SMOC2: variants seen among roughly 807,000 people sequenced by gnomAD.
The protein encoded by SMOC2 is SPARC-related modular calcium-binding protein 2.
A neutral mutation model predicts 61.4 loss-of-function variants in SMOC2; 39 were observed. That is an observed-to-expected ratio of 0.64 (90% confidence interval 0.49 to 0.83). The LOEUF (loss-of-function observed/expected upper bound fraction) is 0.83, where lower values mean the gene tolerates loss of function less well. Ranked by LOEUF, SMOC2 falls within the 40% of genes least tolerant of loss-of-function variation. The pLI is 0.00. For missense variants in SMOC2, 556 were observed against 592.9 expected, an observed-to-expected ratio of 0.94 and a Z score of 0.65; for synonymous variants, 247 against 239.9, an observed-to-expected ratio of 1.03 and a Z score of -0.27.
chr6:168,574,622 G>A (rs575462455), intron 7 of SMOC2, among the ~76,000 whole-genome samples: 1 of 152,246 alleles, frequency 6.6e-6, no homozygotes, highest in African/African-American at 2.4e-5. Flanking sequence ...TGAAGGGCCT[G>A]AGCAATTCTG....
At chr6:168,604,180 A>T (rs760039604) in intron 8 of SMOC2, among the ~76,000 whole-genome samples, 49 of 152,216 alleles carry the variant, frequency 3.2e-4, no homozygotes, top group Non-Finnish European at 6.6e-4. Context: ...CGGACATCTC[A>T]TCCAGATGCC....
chr6:168,616,889 T>C (rs61376453), intron 9 of SMOC2, among the ~76,000 whole-genome samples: 39,119 of 152,010 alleles, frequency 0.26, 5,145 homozygotes, highest in Non-Finnish European at 0.27. Context: ...GCCGCTGCAC[T>C]GCGGGGGGGT....
rs150545086 is a variant in SMOC2, at chr6:168,527,584, G to A, written c.364-44G>A. On this transcript the variant is annotated intron_variant, in intron 3 of 12. Transcript: ENST00000356284. ...GGGCCTCGCAGCCGTGAGGCGCTGC[G>A]CCACGGGCCCGGGAGGGCTTACCCG... is the stretch of plus-strand genomic sequence containing the variant. The A allele has an allele frequency of 3.6e-4, 510 of 1,435,462 alleles. 1 individual carries two copies. The African/African-American group carries it at 4.5e-3, about 13-fold the overall frequency. 88.9% of individuals were successfully genotyped at this position (1,435,462 alleles called of 1,614,324 possible). A position where few individuals can be genotyped will look rare whatever the true frequency, so the allele number is the denominator to read the frequency against.
chr6:168,655,443 G>T (rs188514283), intron 11 of SMOC2: 4 of 456,184 alleles, frequency 8.8e-6, no homozygotes, highest in African/African-American at 8.0e-5. Context: ...TTCTTAGGAG[G>T]CAAGCCAGGA....
At chr6:168,610,900 A>T (rs543993330) in intron 9 of SMOC2, among the ~76,000 whole-genome samples, 5 of 152,198 alleles carry the variant, frequency 3.3e-5, no homozygotes, top group Non-Finnish European at 7.3e-5. Context: ...GTGTAGCAGA[A>T]ATTCTAAAAA....
chr6:168,455,860 A>C (rs2114997881), intron 1 of SMOC2, among the ~76,000 whole-genome samples: 1 of 152,352 alleles, frequency 6.6e-6, no homozygotes, highest in African/African-American at 2.4e-5. Flanking sequence ...ACGTGGATTC[A>C]AAACCTCGTA....
chr6:168,504,782 A>C (rs1782823139), intron 1 of SMOC2, among the ~76,000 whole-genome samples: 1 of 152,152 alleles, frequency 6.6e-6, no homozygotes, highest in African/African-American at 2.4e-5. Context: ...CTTCTTCAAA[A>C]TCCCATCCTC....
chr6:168,509,839 G>A, intron 1 of SMOC2, 76 bp from the exon 2 acceptor site: 1 of 1,449,866 alleles, frequency 6.9e-7, no homozygotes, highest in Non-Finnish European at 9.3e-7. Context: ...GAAGTGGCCT[G>A]AGGCAGCCTT....
At chr6:168,558,809 GTGTGTGTGCGTA>G in intron 7 of SMOC2, among the ~76,000 whole-genome samples, 2 of 151,654 alleles carry the variant, frequency 1.3e-5, no homozygotes, top group African/African-American at 4.8e-5. Context: ...GTGCGCATGT[GTGTGTGTGCGTA>G]TGTGCATGTG....
intron 9 of SMOC2, among the ~76,000 whole-genome samples, chr6:168,649,536 A>C (rs1164734727): frequency 3.3e-5 from 5 of 152,104 alleles, no homozygotes; most frequent in African/African-American, 1.2e-4. Context: ...TTTCTACTGA[A>C]CTCTGGAAGG....
chr6:168,662,387 C>CT (rs1787530639), intron 11 of SMOC2, among the ~76,000 whole-genome samples: 1 of 152,150 alleles, frequency 6.6e-6, no homozygotes, highest in African/African-American at 2.4e-5. Flanking sequence ...TGAGTGGAGA[C>CT]TGGAGGAGCA....
At chr6:168,612,804 C>CAA (rs150183588) in intron 9 of SMOC2, among the ~76,000 whole-genome samples, 3,611 of 152,296 alleles carry the variant, frequency 0.024, 282 homozygotes, top group Admixed American at 0.16. Context: ...AGGCGAAAGA[C>CAA]AGAGGTGCAG....
chr6:168,599,165 ACGCTCTCACACACACCCACACACACT>A (rs1785418934), intron 8 of SMOC2, among the ~76,000 whole-genome samples, 161 bp downstream of exon 8: 1 of 131,234 alleles, frequency 7.6e-6, no homozygotes, highest in Non-Finnish European at 1.7e-5. Context: ...ACACACACCC[ACGCTCTCACACACACCCACACACACT>A]CATACCACAC....
Position 168,585,861 on chromosome 6 carries a change from G to T in SMOC2, c.638-12957G>T, listed in dbSNP as rs151297126. Among the ~76,000 whole-genome samples, 309 of 152,300 alleles carry T rather than the reference G, an allele frequency of 2.0e-3. 2 individuals carry two copies. Among genetic ancestry groups the T allele is most frequent in the African/African-American group, 7.1e-3 (295 of 41,556 alleles). ...ATTTGGATAAGGCTGTTCACCTTTG[G>T]TGTTGATTTGCAGACGTTGTTTATA... is the stretch of plus-strand genomic sequence containing the variant. On this transcript the variant is annotated intron_variant, in intron 7 of 12. Coordinates refer to ENST00000356284, the MANE Select transcript of SMOC2 (RefSeq NM_001166412.2).
intron 7 of SMOC2, among the ~76,000 whole-genome samples, chr6:168,581,795 C>T (rs1253713649): frequency 6.6e-6 from 1 of 152,208 alleles, no homozygotes; most frequent in South Asian, 2.1e-4. Context: ...CTGCAGCCCC[C>T]CTCCCCTCCC....
rs138451782 is a variant in SMOC2, at chr6:168,576,599, G to A, written c.638-22219G>A. Among the ~76,000 whole-genome samples the A allele has an allele frequency of 3.9e-4, 60 of 152,158 alleles. No individual in the cohort carries two copies. In the South Asian group the frequency reaches 6.9e-3, roughly 17 times the overall value. ...CTAACAGCAGGGACACCAAATGGACGCATCACAGGCAAACCGGCGGGCCTC... is the reference window on the plus strand; with the variant it reads ...CTAACAGCAGGGACACCAAATGGACACATCACAGGCAAACCGGCGGGCCTC... On this transcript the variant is annotated intron_variant, in intron 7 of 12. Coordinates refer to ENST00000356284, the MANE Select transcript of SMOC2 (RefSeq NM_001166412.2).
chr6:168,651,850 G>A (rs1307637891), intron 10 of SMOC2, among the ~76,000 whole-genome samples: 2 of 152,126 alleles, frequency 1.3e-5, no homozygotes, highest in African/African-American at 4.8e-5. Flanking sequence ...AGACCAGCCT[G>A]GCCAACGTGG....
At chr6:168,598,777 C>T (rs766453303) in intron 7 of SMOC2, 41 bp from the exon 8 acceptor site, 6 of 1,606,268 alleles carry the variant, frequency 3.7e-6, no homozygotes, top group African/African-American at 1.3e-5. Flanking sequence ...GGGACGACGT[C>T]GCTGGATCCT....
chr6:168,496,298 G>A (rs965597899), intron 1 of SMOC2, among the ~76,000 whole-genome samples: 6 of 152,170 alleles, frequency 3.9e-5, no homozygotes, highest in Non-Finnish European at 8.8e-5. Context: ...CCTGTTTCTA[G>A]ATAACACTGT....
Sources: allele counts gnomAD v4.1 joint callset (sites outside exome capture counted in the v4.1 genomes callset), GRCh38; gene constraint gnomAD v4.1.1; transcripts MANE v1.5; gene names NCBI Gene and HGNC (gene_info 2026-07-23, HGNC 2026-07-21).